The following PTPRN2 variants were observed in gnomAD, a reference collection of about 807,000 sequenced individuals.
The protein encoded by PTPRN2 is receptor-type tyrosine-protein phosphatase N2.
A neutral mutation model predicts 118.8 loss-of-function variants in PTPRN2; 74 were observed. The observed-to-expected ratio is 0.62, with a 90% CI of 0.52 to 0.76. PTPRN2 has a LOEUF of 0.76. Ranked by LOEUF, PTPRN2 falls within the 30% of genes least tolerant of loss-of-function variation. The pLI is 0.00. For synonymous variants in PTPRN2, 641 were observed against 608.0 expected (o/e 1.05, Z -0.80); for missense variants, 1,481 against 1,394.4 (o/e 1.06, Z -0.99).
intron 13 of PTPRN2, among the ~76,000 whole-genome samples, chr7:157,682,224 G>A (rs983793615): frequency 6.6e-6 from 1 of 152,134 alleles, no homozygotes; most frequent in Non-Finnish European, 1.5e-5. Flanking sequence ...TCCCTCATGG[G>A]GACGCGTGTG....
chr7:157,668,001 A>T (rs1208879232), intron 13 of PTPRN2, among the ~76,000 whole-genome samples: 1 of 152,152 alleles, frequency 6.6e-6, no homozygotes. Context: ...CCCACCCTGA[A>T]AGCTTCCCGT....
chr7:158,248,957 A>G (rs546216449), intron 3 of PTPRN2, among the ~76,000 whole-genome samples: 8 of 151,378 alleles, frequency 5.3e-5, no homozygotes, highest in South Asian at 4.2e-4. Flanking sequence ...CACATCACAT[A>G]CATGCACATA....
intron 3 of PTPRN2, among the ~76,000 whole-genome samples, chr7:158,270,858 CCACCTGGACCGCCCCCT>C (rs1798365146): frequency 5.0e-5 from 2 of 39,762 alleles, no homozygotes; most frequent in African/African-American, 1.6e-4. Context: ...GACCGCCCCC[CCACCTGGACCGCCCCCT>C]CCACCTGGAT....
At chr7:157,563,056 C>T (rs1490189876) in intron 21 of PTPRN2, among the ~76,000 whole-genome samples, 1 of 134,882 alleles carries the variant, frequency 7.4e-6, no homozygotes, top group Non-Finnish European at 1.6e-5. Context: ...TCCCGCATCA[C>T]CACACACCAC....
chr7:158,180,872 A>G (rs1824645914), intron 5 of PTPRN2, among the ~76,000 whole-genome samples: 1 of 152,290 alleles, frequency 6.6e-6, no homozygotes, highest in East Asian at 1.9e-4. Flanking sequence ...TAGGTATATC[A>G]TATCATTGGC....
chr7:158,095,063 G>A (rs1245465301), intron 10 of PTPRN2, among the ~76,000 whole-genome samples: 1 of 152,060 alleles, frequency 6.6e-6, no homozygotes, highest in African/African-American at 2.4e-5. Flanking sequence ...ACTGGGGCAG[G>A]TTTATATTCC....
intron 2 of PTPRN2, among the ~76,000 whole-genome samples, chr7:158,407,676 G>GGTCCTGC (rs1813700227): frequency 1.2e-5 from 1 of 85,650 alleles, no homozygotes; most frequent in African/African-American, 4.3e-5. Context: ...CTGCGTCCTG[G>GGTCCTGC]GTCCTGGGTC....
chr7:157,878,510 C>T (rs1253731661), intron 12 of PTPRN2, among the ~76,000 whole-genome samples: 5 of 136,960 alleles, frequency 3.7e-5, no homozygotes, highest in African/African-American at 2.8e-5. Context: ...GCTTACTCAC[C>T]GAGGAGCTCT....
chr7:157,735,768 G>A (rs1224801006), intron 12 of PTPRN2, among the ~76,000 whole-genome samples: 1 of 151,974 alleles, frequency 6.6e-6, no homozygotes, highest in Non-Finnish European at 1.5e-5. Flanking sequence ...GCAAATGTGG[G>A]GAGCAGGTGG....
intron 12 of PTPRN2, among the ~76,000 whole-genome samples, chr7:157,740,990 G>A (rs1800602475): frequency 6.6e-6 from 1 of 152,180 alleles, no homozygotes; most frequent in Non-Finnish European, 1.5e-5. Flanking sequence ...CTTTGTCAGA[G>A]AGGAAAAAAT....
Position 157,798,701 on chromosome 7 carries a change from G to A in PTPRN2, c.1788+99972C>T, listed in dbSNP as rs562686309. Among the ~76,000 whole-genome samples, 75 of 152,216 alleles carry A rather than the reference G, an allele frequency of 4.9e-4. 2 individuals are homozygous for A. The South Asian group carries it at 0.016, about 32-fold the overall frequency. On this transcript the variant is annotated intron_variant, in intron 12 of 22. Coordinates refer to ENST00000389418, the MANE Select transcript of PTPRN2 (RefSeq NM_002847.5). ...ACCCTATAATTAGAACTTTATGTTC[G>A]TTTTATTAATTACCTCTTTTTTGCC...
At chr7:158,576,123 C>T (rs1828305328) in intron 1 of PTPRN2, among the ~76,000 whole-genome samples, 1 of 152,108 alleles carries the variant, frequency 6.6e-6, no homozygotes, top group African/African-American at 2.4e-5. Context: ...AAATAAGCAG[C>T]AAGCAGGAAC....
Position 158,491,515 on chromosome 7 carries a change from G to A in PTPRN2, c.113-1730C>T, listed in dbSNP as rs114234152. Among the ~76,000 whole-genome samples the A allele has an allele frequency of 6.9e-3, 1,053 of 151,894 alleles. 14 individuals are homozygous for A. Among genetic ancestry groups the A allele is most frequent in the African/African-American group, 0.024 (991 of 41,432 alleles). ...AAAACAGATTTTTTTTTTTGATGGA[G>A]TCTTGCTCTTATCACCCAGGCTGGA... is the stretch of plus-strand genomic sequence containing the variant. On this transcript the variant is annotated intron_variant, in intron 1 of 22. Coordinates refer to ENST00000389418, the MANE Select transcript of PTPRN2 (RefSeq NM_002847.5).
intron 11 of PTPRN2, among the ~76,000 whole-genome samples, chr7:157,978,031 C>A (rs1383155566): frequency 6.6e-6 from 1 of 151,932 alleles, no homozygotes; most frequent in Non-Finnish European, 1.5e-5. Context: ...AGACTAAATA[C>A]CAAGGAGTTT....
At chr7:157,736,704 C>T (rs2150954534) in intron 12 of PTPRN2, among the ~76,000 whole-genome samples, 1 of 152,096 alleles carries the variant, frequency 6.6e-6, no homozygotes, top group African/African-American at 2.4e-5. Flanking sequence ...ATGGCCAGTG[C>T]TTGTCTTAGT....
At chr7:158,479,043 C>T (rs528687166) in intron 2 of PTPRN2, among the ~76,000 whole-genome samples, 10 of 152,056 alleles carry the variant, frequency 6.6e-5, no homozygotes, top group East Asian at 1.9e-4. Flanking sequence ...TGCCACAGGA[C>T]AGGACCCACG....
intron 11 of PTPRN2, among the ~76,000 whole-genome samples, chr7:158,036,567 T>A (rs1808103145): frequency 6.6e-6 from 1 of 151,782 alleles, no homozygotes; most frequent in African/African-American, 2.4e-5. Context: ...CAGAGGGAAA[T>A]CAGTAAAACA....
chr7:157,999,521 G>T (rs1411169838), intron 11 of PTPRN2, among the ~76,000 whole-genome samples: 4 of 152,168 alleles, frequency 2.6e-5, no homozygotes, highest in African/African-American at 9.7e-5. Context: ...ACAGGCAGGG[G>T]AAAGCTTGGC....
At chr7:158,378,627 G>A (rs987169126) in intron 2 of PTPRN2, among the ~76,000 whole-genome samples, 6 of 152,106 alleles carry the variant, frequency 3.9e-5, no homozygotes, top group African/African-American at 4.8e-5. Context: ...ATATCACCAC[G>A]TTTCCAAAGA....
Sources: allele counts gnomAD v4.1 joint callset (sites outside exome capture counted in the v4.1 genomes callset), GRCh38; gene constraint gnomAD v4.1.1; transcripts MANE v1.5; gene names NCBI Gene and HGNC (gene_info 2026-07-23, HGNC 2026-07-21).